The following CSTPP1 variants were observed in gnomAD, a reference collection of about 807,000 sequenced individuals.
The protein encoded by CSTPP1 is UPF0705 protein C11orf49.
At chr11:47,151,027 C>T in the CSTPP1 span, among the ~76,000 whole-genome samples, 38 of 151,530 alleles carry the variant, frequency 2.5e-4, no homozygotes, top group African/African-American at 6.8e-4. Context: ...GCTGGGATTA[C>T]AGGCATGAGC....
chr11:47,001,173 G>C, the CSTPP1 span, among the ~76,000 whole-genome samples: 7 of 152,118 alleles, frequency 4.6e-5, no homozygotes, highest in Non-Finnish European at 7.4e-5. Flanking sequence ...ATGATCATTT[G>C]ATTGATTTTA....
At chr11:47,033,299 T>C in the CSTPP1 span, among the ~76,000 whole-genome samples, 2 of 152,214 alleles carry the variant, frequency 1.3e-5, no homozygotes, top group Non-Finnish European at 2.9e-5. Flanking sequence ...TTTGCTTTAG[T>C]TTCAGTGCCT....
the CSTPP1 span, among the ~76,000 whole-genome samples, chr11:47,138,999 A>C: frequency 6.0e-5 from 9 of 150,060 alleles, no homozygotes; most frequent in African/African-American, 2.2e-4. Flanking sequence ...AAAAAAAAAA[A>C]AAAAAAAAAA....
the CSTPP1 span, among the ~76,000 whole-genome samples, chr11:47,132,224 T>C: frequency 6.6e-6 from 1 of 152,156 alleles, no homozygotes; most frequent in Non-Finnish European, 1.5e-5. Flanking sequence ...GGAGACCCCC[T>C]ATCTTTGTGT....
At chr11:46,972,744 C>T in the CSTPP1 span, among the ~76,000 whole-genome samples, 6 of 152,142 alleles carry the variant, frequency 3.9e-5, no homozygotes, top group Non-Finnish European at 8.8e-5. Context: ...TAAACCTGAA[C>T]AGAATGTTTC....
At chr11:46,997,904 C>T in the CSTPP1 span, among the ~76,000 whole-genome samples, 1 of 152,164 alleles carries the variant, frequency 6.6e-6, no homozygotes, top group Non-Finnish European at 1.5e-5. Flanking sequence ...ATGTAGTTGC[C>T]TGATCGTTCC....
the CSTPP1 span, among the ~76,000 whole-genome samples, chr11:46,985,404 T>G: frequency 6.6e-6 from 1 of 152,180 alleles, no homozygotes. Context: ...GGAATGAAAC[T>G]GTGAAAGAAG....
chr11:47,081,198 T>TA, the CSTPP1 span, among the ~76,000 whole-genome samples: 2 of 151,812 alleles, frequency 1.3e-5, no homozygotes, highest in South Asian at 2.1e-4. Flanking sequence ...ATGATCTCCC[T>TA]AAAAAAAACC....
chr11:47,153,208 G>A, the CSTPP1 span, among the ~76,000 whole-genome samples: 1 of 152,142 alleles, frequency 6.6e-6, no homozygotes, highest in African/African-American at 2.4e-5. Flanking sequence ...GTTATGAGAT[G>A]GGGTAACCAC....
At chr11:47,151,686 C>T in the CSTPP1 span, among the ~76,000 whole-genome samples, 1 of 151,198 alleles carries the variant, frequency 6.6e-6, no homozygotes, top group Middle Eastern at 3.2e-3. Context: ...AAGCTCGGAT[C>T]CATTTGGCTT....
At chr11:47,072,488 T>C in the CSTPP1 span, among the ~76,000 whole-genome samples, 4 of 152,124 alleles carry the variant, frequency 2.6e-5, no homozygotes, top group African/African-American at 7.2e-5. Flanking sequence ...GAAACCGATA[T>C]AGGAAAGTAA....
At chr11:47,146,941 A>G in the CSTPP1 span, among the ~76,000 whole-genome samples, 1 of 152,222 alleles carries the variant, frequency 6.6e-6, no homozygotes, top group Non-Finnish European at 1.5e-5. Flanking sequence ...AAAGCTATAT[A>G]ATGTTTTAAG....
At chr11:46,980,573 C>T in the CSTPP1 span, among the ~76,000 whole-genome samples, 1 of 152,054 alleles carries the variant, frequency 6.6e-6, no homozygotes, top group Non-Finnish European at 1.5e-5. Flanking sequence ...GGCTTATACA[C>T]TTGGAGTAGA....
At chr11:47,059,395 TCTC>T in the CSTPP1 span, among the ~76,000 whole-genome samples, 2 of 152,042 alleles carry the variant, frequency 1.3e-5, no homozygotes, top group African/African-American at 4.8e-5. Context: ...GTAGAAATAG[TCTC>T]CATAGAGTAC....
chr11:47,157,006 C>G, the CSTPP1 span: 1 of 1,613,754 alleles, frequency 6.2e-7, no homozygotes, highest in African/African-American at 1.3e-5. Context: ...CCCACACCCC[C>G]ACCCCCACGG....
chr11:46,974,239 T>C, the CSTPP1 span, among the ~76,000 whole-genome samples: 3 of 151,794 alleles, frequency 2.0e-5, no homozygotes, highest in Non-Finnish European at 4.4e-5. Flanking sequence ...GTCTCAAAAA[T>C]GAAACAGGCC....
chr11:46,963,092 A>G, the CSTPP1 span, among the ~76,000 whole-genome samples: 69 of 151,306 alleles, frequency 4.6e-4, no homozygotes, highest in African/African-American at 1.6e-3. Flanking sequence ...ATCCTTTCCA[A>G]TCTGGATGCT....
the CSTPP1 span, among the ~76,000 whole-genome samples, chr11:46,980,265 G>A: frequency 6.6e-6 from 1 of 152,088 alleles, no homozygotes; most frequent in African/African-American, 2.4e-5. Context: ...AAGATCTTTA[G>A]ACACCTCTTG....
chr11:47,135,395 G>T, the CSTPP1 span, among the ~76,000 whole-genome samples: 1 of 152,250 alleles, frequency 6.6e-6, no homozygotes, highest in South Asian at 2.1e-4. Context: ...CTGGTGAATC[G>T]CAGAGCCAAA....
Sources: gnomAD v4.1 joint callset for allele counts (sites outside exome capture counted in the v4.1 genomes callset) on GRCh38, gnomAD v4.1.1 for gene constraint, MANE v1.5 for transcripts, NCBI Gene and HGNC (gene_info 2026-07-23, HGNC 2026-07-21) for gene names.